Variants in ATP6V1A observed in about 807,000 individuals in gnomAD.
ATP6V1A encodes ATPase H+ transporting V1 subunit A.
In ATP6V1A, 18 loss-of-function variants were observed where a neutral mutation model predicts 70.1. The observed-to-expected ratio is 0.26, with a 90% CI of 0.18 to 0.38. ATP6V1A has a LOEUF of 0.38. ATP6V1A is among the 10% of genes least tolerant of loss of function. The pLI, the probability that ATP6V1A is intolerant of heterozygous loss-of-function variation, is 1.00. For synonymous variants in ATP6V1A, 232 were observed against 253.8 expected, an observed-to-expected ratio of 0.91 and a Z score of 0.82; for missense variants, 424 against 772.4, an observed-to-expected ratio of 0.55 and a Z score of 5.35.
At chr3:113,779,863 T>C (rs1708959534) in intron 2 of ATP6V1A, among the ~76,000 whole-genome samples, 1 of 152,192 alleles carries the variant, frequency 6.6e-6, no homozygotes, top group Non-Finnish European at 1.5e-5. Flanking sequence ...TAAAAATTTT[T>C]TTAAATTTTA....
intron 1 of ATP6V1A, among the ~76,000 whole-genome samples, chr3:113,760,967 G>A (rs550649948): frequency 1.3e-4 from 19 of 151,924 alleles, no homozygotes; most frequent in East Asian, 5.8e-4. Context: ...TTCGGGAGGC[G>A]GAGGCAGTAG....
At chr3:113,798,639 T>C (rs1709178633) in intron 12 of ATP6V1A, among the ~76,000 whole-genome samples, 193 bp downstream of exon 12, 1 of 152,226 alleles carries the variant, frequency 6.6e-6, no homozygotes, top group Admixed American at 6.5e-5. Flanking sequence ...AAAGAAACAT[T>C]TGATTTACTT....
intron 11 of ATP6V1A, among the ~76,000 whole-genome samples, chr3:113,797,595 C>T (rs773802352): frequency 1.3e-5 from 2 of 152,156 alleles, no homozygotes; most frequent in Non-Finnish European, 2.9e-5. Context: ...TGTATTCGAT[C>T]TACATAAACC....
In ATP6V1A at chr3:113,778,745, A is replaced by G; in HGVS notation, c.-9A>G. The G allele has an allele frequency of 6.4e-7, 1 of 1,560,552 alleles. No individual in the cohort carries two copies. Among genetic ancestry groups the G allele is most frequent in the Non-Finnish European group, 8.7e-7 (1 of 1,151,762 alleles). On this transcript the variant is annotated 5_prime_UTR_variant, in exon 2 of 15. Coordinates refer to ENST00000273398, the MANE Select transcript of ATP6V1A (RefSeq NM_001690.4). Reference sequence around the variant, plus strand: ...TTATTTATTTATTTACTATAGGTAAACTAACATTATGGATTTTTCCAAGCT... The same window carrying G: ...TTATTTATTTATTTACTATAGGTAAGCTAACATTATGGATTTTTCCAAGCT...
At position 113,785,492 on chromosome 3, in the gene ATP6V1A, T is replaced by C. The variant is rs1272311985; in HGVS notation, c.564+659T>C. Among the ~76,000 whole-genome samples, 39 of 146,880 alleles carry C rather than the reference T, an allele frequency of 2.7e-4. No homozygotes were observed. In the Admixed American group the frequency reaches 2.7e-3, roughly 10 times the overall value. On this transcript the variant is annotated intron_variant, in intron 5 of 14. Transcript: ENST00000273398. Reference sequence around the variant, plus strand: ...ATTATATAATGGATTATTTGAATTCTCTTTTTTTCTTTTCTTTTTTTTTTT... The same window carrying C: ...ATTATATAATGGATTATTTGAATTCCCTTTTTTTCTTTTCTTTTTTTTTTT...
chr3:113,769,352 C>T (rs1708807444), intron 1 of ATP6V1A, among the ~76,000 whole-genome samples: 2 of 152,040 alleles, frequency 1.3e-5, no homozygotes, highest in African/African-American at 4.8e-5. Context: ...TTAGATTCTT[C>T]TGAATCTTTT....
intron 9 of ATP6V1A, 32 bp from the exon 10 acceptor site, chr3:113,795,058 A>T: frequency 6.2e-7 from 1 of 1,612,760 alleles, no homozygotes; most frequent in Non-Finnish European, 8.5e-7. Flanking sequence ...TGGCTTAGAA[A>T]CTCTGTTTTA....
rs1372883985 is a variant in ATP6V1A at position 113,802,039 on chromosome 3, A to G, written c.1495-1544A>G. Among the ~76,000 whole-genome samples, 4 of 152,134 alleles carry G rather than the reference A, an allele frequency of 2.6e-5. No individual in the cohort carries two copies. The East Asian group carries it at 5.8e-4, about 22-fold the overall frequency. On this transcript the variant is annotated intron_variant, in intron 12 of 14. Coordinates refer to ENST00000273398, the MANE Select transcript of ATP6V1A (RefSeq NM_001690.4). ...ACCTGTTAGTGATCCTGGCAACACTAATACTATCTCTCAAAGCTGCTAGGG... is the reference window on the plus strand; with the variant it reads ...ACCTGTTAGTGATCCTGGCAACACTGATACTATCTCTCAAAGCTGCTAGGG...
chr3:113,747,771 CA>C (rs765256803), intron 1 of ATP6V1A, among the ~76,000 whole-genome samples: 16 of 152,204 alleles, frequency 1.1e-4, no homozygotes, highest in Non-Finnish European at 2.2e-4. Context: ...ATACTGTCTT[CA>C]AAACAGGAGG....
chr3:113,781,235 A>C, intron 3 of ATP6V1A, 57 bp downstream of exon 3: 1 of 1,548,542 alleles, frequency 6.5e-7, no homozygotes, highest in South Asian at 1.2e-5. Flanking sequence ...TTAAGGATTT[A>C]GGCCAGGCAT....
intron 7 of ATP6V1A, among the ~76,000 whole-genome samples, chr3:113,789,133 C>T (rs1709067262): frequency 6.6e-6 from 1 of 152,118 alleles, no homozygotes; most frequent in Non-Finnish European, 1.5e-5. Flanking sequence ...CTGCAACCTC[C>T]ACCTCCCAGG....
At chr3:113,764,661 T>C (rs946545901) in intron 1 of ATP6V1A, among the ~76,000 whole-genome samples, 4 of 152,216 alleles carry the variant, frequency 2.6e-5, no homozygotes, top group African/African-American at 7.2e-5. Flanking sequence ...TCTTCTTTGA[T>C]GTCTTGTTTT....
intron 1 of ATP6V1A, among the ~76,000 whole-genome samples, chr3:113,772,654 G>T (rs945402075): frequency 4.6e-5 from 7 of 151,732 alleles, no homozygotes; most frequent in African/African-American, 1.7e-4. Flanking sequence ...CGTGAACCTG[G>T]GAGGCGGAGC....
At chr3:113,762,741 A>C (rs1007936510) in intron 1 of ATP6V1A, among the ~76,000 whole-genome samples, 1 of 152,098 alleles carries the variant, frequency 6.6e-6, no homozygotes, top group African/African-American at 2.4e-5. Flanking sequence ...TAACATAAGA[A>C]ATTTCATTAT....
intron 14 of ATP6V1A, among the ~76,000 whole-genome samples, chr3:113,808,652 G>A (rs1031827260): frequency 6.6e-6 from 1 of 152,064 alleles, no homozygotes; most frequent in Admixed American, 6.6e-5. Context: ...CCATCCCAGT[G>A]TGATAATACC....
chr3:113,801,295 A>G (rs543869796), intron 12 of ATP6V1A: 2 of 152,336 alleles, frequency 1.3e-5, no homozygotes, highest in South Asian at 2.1e-4. Flanking sequence ...GTAAGTTAAT[A>G]AGAAGACTCG....
chr3:113,795,847 TG>T, intron 10 of ATP6V1A, 28 bp from the exon 11 acceptor site: 1 of 1,569,044 alleles, frequency 6.4e-7, no homozygotes, highest in Non-Finnish European at 8.7e-7. Context: ...CCATTTTTTT[TG>T]TAATGACCAT....
In ATP6V1A at chr3:113,811,426, C is replaced by T. The variant is rs532160259; in HGVS notation, c.*1999C>T. On this transcript the variant is annotated 3_prime_UTR_variant, in exon 15 of 15. Coordinates refer to ENST00000273398, the MANE Select transcript of ATP6V1A (RefSeq NM_001690.4). ...AATTATGCAATGGTTTGTTGAGATA[C>T]GGACTTGATGGTGCTGTTTAATCAG... 2.4e-4 allele frequency: 37 copies of T among 152,526 alleles called. No individual in the cohort carries two copies. The highest frequency in any genetic ancestry group is 4.4e-4 in the Non-Finnish European group (30 of 68,016). The allele number at this position is 152,526 out of a possible 1,614,324, so 9.4% of individuals were successfully genotyped here.
intron 3 of ATP6V1A, 138 bp from the exon 4 acceptor site, chr3:113,784,086 A>G (rs1051220915): frequency 1.4e-6 from 1 of 739,330 alleles, no homozygotes; most frequent in Non-Finnish European, 2.2e-6. Context: ...TGAAAACACT[A>G]TGAATCCTGT....
Sources: allele counts gnomAD v4.1 joint callset (sites outside exome capture counted in the v4.1 genomes callset), GRCh38; gene constraint gnomAD v4.1.1; transcripts MANE v1.5; gene names NCBI Gene and HGNC (gene_info 2026-07-23, HGNC 2026-07-21).